Variants in EYA2 observed in about 807,000 individuals in gnomAD.
EYA2 encodes the protein EYA transcriptional coactivator and phosphatase 2.
EYA2 carries 31 observed loss-of-function variants against 69.2 expected under a neutral mutation model. That is an observed-to-expected ratio of 0.45 (90% confidence interval 0.34 to 0.60). The LOEUF is 0.60. EYA2 is among the 20% of genes least tolerant of loss of function. The pLI is 0.02. For missense variants in EYA2, 622 were observed against 701.2 expected (o/e 0.89, Z 1.28); for synonymous variants, 257 against 279.4 (o/e 0.92, Z 0.80).
intron 4 of EYA2, among the ~76,000 whole-genome samples, chr20:47,013,239 T>C (rs949091710): frequency 6.6e-6 from 1 of 151,906 alleles, no homozygotes; most frequent in Non-Finnish European, 1.5e-5. Flanking sequence ...GGTTCAACAG[T>C]GAATGGGGTT....
chr20:47,152,399 T>A (rs921882650), intron 10 of EYA2, among the ~76,000 whole-genome samples: 1 of 151,140 alleles, frequency 6.6e-6, no homozygotes, highest in African/African-American at 2.4e-5. Context: ...TTTTTTTTTT[T>A]CTCAAAGAGT....
chr20:47,161,772 C>T (rs899751864), intron 10 of EYA2: 5 of 164,602 alleles, frequency 3.0e-5, no homozygotes, highest in Non-Finnish European at 5.2e-5. Flanking sequence ...TTGTCTGATG[C>T]GGTGCCGGGC....
At position 46,916,156 on chromosome 20, in the gene EYA2, C is replaced by T. The variant is rs148729670; in HGVS notation, c.-11+21169C>T. Among the ~76,000 whole-genome samples, 29 of 152,304 alleles carry T rather than the reference C, an allele frequency of 1.9e-4. No homozygotes were observed. In the East Asian group the frequency reaches 5.4e-3, roughly 28 times the overall value. Reference sequence around the variant, plus strand: ...CTTCCCCTTCTCTGCCAGTGTTACACTTGCCATCCCTGCGTGCCAAGGCCA... The same window carrying T: ...CTTCCCCTTCTCTGCCAGTGTTACATTTGCCATCCCTGCGTGCCAAGGCCA... On this transcript the variant is annotated intron_variant, in intron 1 of 15. Transcript: ENST00000327619.
At chr20:47,009,532 A>G (rs1193832199) in intron 4 of EYA2, among the ~76,000 whole-genome samples, 4 of 152,224 alleles carry the variant, frequency 2.6e-5, no homozygotes, top group Admixed American at 2.6e-4. Context: ...ATTCAATTTA[A>G]AAAATAAAGG....
intron 1 of EYA2, among the ~76,000 whole-genome samples, chr20:46,896,458 A>T (rs192316922): frequency 1.3e-5 from 2 of 151,126 alleles, no homozygotes; most frequent in Admixed American, 6.6e-5. Flanking sequence ...CCTCTTTTTC[A>T]AAATAATCTT....
intron 3 of EYA2, 82 bp downstream of exon 3, chr20:47,001,555 T>G: frequency 7.1e-7 from 1 of 1,401,674 alleles, no homozygotes; most frequent in Non-Finnish European, 1.0e-6. Context: ...GAGAGGGCCC[T>G]GGAGCCAGAT....
At chr20:46,899,519 A>C (rs957690233) in intron 1 of EYA2, among the ~76,000 whole-genome samples, 8 of 152,178 alleles carry the variant, frequency 5.3e-5, no homozygotes, top group African/African-American at 1.9e-4. Context: ...AGAGTCAATA[A>C]ATTTACCGGC....
At chr20:47,016,024 A>G (rs749664461) in intron 4 of EYA2, among the ~76,000 whole-genome samples, 157 bp from the exon 5 acceptor site, 45 of 152,382 alleles carry the variant, frequency 3.0e-4, no homozygotes, top group Middle Eastern at 6.8e-3. Flanking sequence ...AAATGTCTAT[A>G]GGCTCACTTT....
intron 5 of EYA2, among the ~76,000 whole-genome samples, chr20:47,061,860 A>G (rs1296505195): frequency 1.3e-5 from 2 of 152,200 alleles, no homozygotes; most frequent in Non-Finnish European, 2.9e-5. Context: ...AGGGTTAGAC[A>G]TTTGGAAACG....
chr20:47,125,256 T>C (rs1452667014), intron 9 of EYA2, among the ~76,000 whole-genome samples: 3 of 151,822 alleles, frequency 2.0e-5, no homozygotes, highest in African/African-American at 2.4e-5. Flanking sequence ...GGGGTTTCAC[T>C]GTATTAGCCA....
At chr20:46,907,655 A>G (rs1328896969) in intron 1 of EYA2, among the ~76,000 whole-genome samples, 4 of 152,212 alleles carry the variant, frequency 2.6e-5, no homozygotes, top group African/African-American at 9.6e-5. Context: ...CCTGGCCAAC[A>G]TGGTGAAATC....
At chr20:46,981,248 G>A (rs939389046) in intron 1 of EYA2, among the ~76,000 whole-genome samples, 2 of 152,150 alleles carry the variant, frequency 1.3e-5, no homozygotes, top group East Asian at 1.9e-4. Flanking sequence ...TATAATAGGT[G>A]CTTGGGAAAT....
intron 1 of EYA2, among the ~76,000 whole-genome samples, chr20:46,942,893 G>A (rs941581462): frequency 6.6e-5 from 10 of 152,232 alleles, no homozygotes; most frequent in African/African-American, 2.2e-4. Context: ...AGCCTCCTGA[G>A]TTGCTAGGAT....
Position 46,912,871 on chromosome 20 carries a change from T to G in EYA2, c.-11+17884T>G, listed in dbSNP as rs569452043. On this transcript the variant is annotated intron_variant, in intron 1 of 15. Coordinates refer to ENST00000327619, the MANE Select transcript of EYA2 (RefSeq NM_005244.5). The stretch of plus-strand genomic sequence containing the variant: ...GCCCGCCACCGCGCCCGGCTAATTT[T>G]TTGTATTTTTAGTAGAGACGGGGTT... 4.0e-4 allele frequency among the ~76,000 whole-genome samples: 60 copies of G among 151,368 alleles called. 1 individual carries two copies. The South Asian group carries it at 0.011, about 27-fold the overall frequency.
chr20:47,045,501 A>C (rs1215627873), intron 5 of EYA2, among the ~76,000 whole-genome samples: 1 of 152,210 alleles, frequency 6.6e-6, no homozygotes, highest in African/African-American at 2.4e-5. Flanking sequence ...GGATCAGAAG[A>C]GTTCTTGACA....
At chr20:47,070,551 G>C (rs115324531) in intron 5 of EYA2, among the ~76,000 whole-genome samples, 2,573 of 152,290 alleles carry the variant, frequency 0.017, 71 homozygotes, top group African/African-American at 0.059. Context: ...ATTTACCCAA[G>C]AGAAATGAAA....
chr20:46,967,796 C>T (rs1979881688), intron 1 of EYA2, among the ~76,000 whole-genome samples: 1 of 152,174 alleles, frequency 6.6e-6, no homozygotes, highest in Admixed American at 6.5e-5. Flanking sequence ...CTTGGAGAGA[C>T]AGCTGCTGCT....
rs140930028 is a variant in EYA2, at chr20:46,935,859, T to C, written c.-11+40872T>C. On this transcript the variant is annotated intron_variant, in intron 1 of 15. Transcript: ENST00000327619. Reference sequence around the variant, plus strand: ...TAGATTATATTATATTGCAACATCATAATAATAAGTATTATTATTCGGTAG... The same window carrying C: ...TAGATTATATTATATTGCAACATCACAATAATAAGTATTATTATTCGGTAG... 2.0e-4 allele frequency among the ~76,000 whole-genome samples: 31 copies of C among 152,176 alleles called. No homozygotes were observed. In the East Asian group the frequency reaches 6.0e-3, roughly 29 times the overall value.
chr20:46,971,713 A>T (rs1237705166), intron 1 of EYA2, among the ~76,000 whole-genome samples: 1 of 152,190 alleles, frequency 6.6e-6, no homozygotes, highest in African/African-American at 2.4e-5. Context: ...TTCACATTAT[A>T]TGTTGCTCTG....
Sources: gnomAD v4.1 joint callset for allele counts (sites outside exome capture counted in the v4.1 genomes callset) on GRCh38, gnomAD v4.1.1 for gene constraint, MANE v1.5 for transcripts, NCBI Gene and HGNC (gene_info 2026-07-23, HGNC 2026-07-21) for gene names.